The following SLC27A4 variants were observed in gnomAD, a reference collection of about 807,000 sequenced individuals.
SLC27A4 encodes the protein long-chain fatty acid transport protein 4.
A neutral mutation model predicts 64.4 loss-of-function variants in SLC27A4; 33 were observed. That is an observed-to-expected ratio of 0.51 (90% confidence interval 0.39 to 0.68). The LOEUF is 0.68. Among genes scored for constraint, SLC27A4 ranks in the 30% least tolerant of loss-of-function variants. The pLI, the probability that SLC27A4 is intolerant of heterozygous loss-of-function variation, is 0.00. For synonymous variants in SLC27A4, 377 were observed against 370.0 expected, an observed-to-expected ratio of 1.02 and a Z score of -0.22; for missense variants, 824 against 883.5, an observed-to-expected ratio of 0.93 and a Z score of 0.85.
chr9:128,343,131 C>T lies in SLC27A4; in HGVS notation c.-2C>T. ...CTAACTGCCCTGTGTCCGCAGGCCA[C>T]AATGCTGCTTGGAGCCTCTCTGGTG... On this transcript the variant is annotated 5_prime_UTR_variant, in exon 2 of 13. Transcript: ENST00000300456. 6.8e-6 allele frequency: 11 copies of T among 1,613,518 alleles called. No individual in the cohort carries two copies. The highest frequency in any genetic ancestry group is 2.2e-5 in the East Asian group (1 of 44,890).
chr9:128,355,082 A>T lies in SLC27A4; in HGVS notation c.1354A>T (p.Ile452Phe), dbSNP rs1218324957. 5.6e-6 allele frequency: 9 copies of T among 1,612,108 alleles called. No homozygotes were observed. Among genetic ancestry groups the T allele is most frequent in the Non-Finnish European group, 7.6e-6 (9 of 1,179,278 alleles). ...GEPGQLVGRI[I>F]QKDPLRRFDG... Reference sequence around the variant, plus strand: ...GCCGGGCCAGCTGGTGGGCCGCATCATCCAGAAAGACCCCCTGCGCCGCTT... The same window carrying T: ...GCCGGGCCAGCTGGTGGGCCGCATCTTCCAGAAAGACCCCCTGCGCCGCTT... The change falls in exon 10 of 13, where the codon ATC (isoleucine) becomes TTC (phenylalanine). Residue 452 changes from isoleucine to phenylalanine, a missense_variant. Ile to Phe is a conservative substitution (Grantham distance 21). Transcript: ENST00000300456.
Position 128,355,049 on chromosome 9 carries a change from C to G in SLC27A4, c.1325-4C>G. 2 of 1,609,908 alleles carry G rather than the reference C, an allele frequency of 1.2e-6. No individual in the cohort carries two copies. Among genetic ancestry groups the G allele is most frequent in the East Asian group, 2.2e-5 (1 of 44,600 alleles). ...CAGATCTGACCCTGCCTTCCCCACC[C>G]CAGGTGAGCCGGGCCAGCTGGTGGG... On this transcript the variant is annotated splice_region_variant and splice_polypyrimidine_tract_variant and intron_variant, in intron 9 of 12. Transcript: ENST00000300456.
rs1832801232 is a variant in SLC27A4 at position 128,355,332 on chromosome 9, C to G, written c.1463-66C>G. 2.9e-5 allele frequency: 47 copies of G among 1,607,654 alleles called. No individual in the cohort carries two copies. In the South Asian group the frequency reaches 5.1e-4, roughly 17 times the overall value. ...AAATCCTTGGGCTCCAGCAAAGCCT[C>G]CCTGGCTTGAGCCCTGGTCTCAGAG... On this transcript the variant is annotated intron_variant, in intron 10 of 12. Transcript: ENST00000300456.
chr9:128,344,613 C>T (rs1832625857), intron 2 of SLC27A4, among the ~76,000 whole-genome samples: 1 of 152,076 alleles, frequency 6.6e-6, no homozygotes, highest in Non-Finnish European at 1.5e-5. Flanking sequence ...GGCACAGGAC[C>T]CAGGGGATAG....
In SLC27A4 at chr9:128,353,282, A is replaced by T. The variant is rs1832765087; in HGVS notation, c.1197+48A>T. On this transcript the variant is annotated intron_variant, in intron 8 of 12. Coordinates refer to ENST00000300456, the MANE Select transcript of SLC27A4 (RefSeq NM_005094.4). The surrounding 1 kb of genome is among the most constrained non-coding windows in gnomAD (Gnocchi z 4.9). ...CGAGGCTGCTGCAGGGATGGCCCAC[A>T]GAAGGCACTGGATGCAGAGGGGAGG... The T allele has an allele frequency of 6.2e-7, 1 of 1,609,002 alleles. No homozygotes were observed. The highest frequency in any genetic ancestry group is 2.2e-5 in the East Asian group (1 of 44,858).
chr9:128,342,941 C>T (rs573916644), intron 1 of SLC27A4, among the ~76,000 whole-genome samples, 186 bp from the exon 2 acceptor site: 2 of 152,226 alleles, frequency 1.3e-5, no homozygotes, highest in Admixed American at 1.3e-4. Flanking sequence ...AAGTGCCAAG[C>T]CCCTAGCCTG....
intron 1 of SLC27A4, chr9:128,342,421 T>C: frequency 6.2e-7 from 1 of 1,601,166 alleles, no homozygotes; most frequent in East Asian, 2.3e-5. Flanking sequence ...GCCTTCTTAT[T>C]TTACTTCTTT....
At chr9:128,350,821 G>A (rs920715391) in intron 6 of SLC27A4, among the ~76,000 whole-genome samples, 5 of 152,230 alleles carry the variant, frequency 3.3e-5, no homozygotes, top group Non-Finnish European at 7.3e-5. Context: ...GCTGGGTGTG[G>A]TGGCTCACAC....
chr9:128,343,325 T>C, intron 2 of SLC27A4, 32 bp downstream of exon 2: 1 of 1,613,450 alleles, frequency 6.2e-7, no homozygotes, highest in Non-Finnish European at 8.5e-7. Context: ...TCCTGGGGTC[T>C]GCCACACTAC....
rs771351557 is a variant in SLC27A4 at position 128,343,195 on chromosome 9, C to T, written c.63C>T (p.Pro21=). Residue 21 remains proline (P), a synonymous_variant, in exon 2 of 13, where the codon CCC becomes CCT. Transcript: ENST00000300456. ...TCTCCAAGCTGGTGCTGAAACTGCC[C>T]TGGACCCAGGTGGGATTCTCCCTGT... ...LLFSKLVLKL[P]WTQVGFSLLF... 9 of 1,614,192 alleles carry T rather than the reference C, an allele frequency of 5.6e-6. No individual in the cohort carries two copies. The highest frequency in any genetic ancestry group is 1.7e-4 in the Middle Eastern group (1 of 6,056).
Position 128,340,737 on chromosome 9 carries a change from C to T in SLC27A4, c.-108C>T. 4.7e-6 allele frequency: 3 copies of T among 644,902 alleles called. No homozygotes were observed. The highest frequency in any genetic ancestry group is 2.3e-5 in the Admixed American group (1 of 43,824). The allele number at this position is 644,902 out of a possible 1,614,324, so 39.9% of individuals were successfully genotyped here. A position where few individuals can be genotyped will look rare whatever the true frequency, so the allele number is the denominator to read the frequency against. ...GAGCCGGCTAAACCCTGCTGAGACC[C>T]GGCTCCGTGCGTCCAGGGGCGGCTA... On this transcript the variant is annotated 5_prime_UTR_variant, in exon 1 of 13. Coordinates refer to ENST00000300456, the MANE Select transcript of SLC27A4 (RefSeq NM_005094.4).
Position 128,360,494 on chromosome 9 carries a change from C to A in SLC27A4, c.*3C>A. The A allele has an allele frequency of 6.2e-7, 1 of 1,613,446 alleles. No homozygotes were observed. The highest frequency in any genetic ancestry group is 1.1e-5 in the South Asian group (1 of 91,058). ...AGGCAGGCGAGGAGAAGCTGTGATTCCCCCCATCCCTCTGAGGGCCGGCGG... is the reference window on the plus strand; with the variant it reads ...AGGCAGGCGAGGAGAAGCTGTGATTACCCCCATCCCTCTGAGGGCCGGCGG... On this transcript the variant is annotated 3_prime_UTR_variant, in exon 13 of 13. Coordinates refer to ENST00000300456, the MANE Select transcript of SLC27A4 (RefSeq NM_005094.4).
Position 128,343,262 on chromosome 9 carries a change from GT to G in SLC27A4, c.131del (p.Val44AlafsTer17). 6.2e-7 allele frequency: 1 copy of G among 1,614,102 alleles called. No individual in the cohort carries two copies. The highest frequency in any genetic ancestry group is 8.5e-7 in the Non-Finnish European group (1 of 1,180,016). On this transcript the variant is annotated frameshift_variant, in exon 2 of 13. Coordinates refer to ENST00000300456, the MANE Select transcript of SLC27A4 (RefSeq NM_005094.4). LOFTEE classifies it high-confidence loss of function. ...ATCTGGCGGCTGGCGCTTCATCCGG[GT>G]CTTCATCAAGACCATCAGGCGCGAT... ...LGSGGWRFIRVFIKTIRRDIF... is the reference protein window; with the variant it reads ...LGSGGWRFIRXFIKTIRRDIF...
intron 12 of SLC27A4, among the ~76,000 whole-genome samples, chr9:128,358,632 A>T (rs1461440888): frequency 1.3e-5 from 2 of 152,088 alleles, no homozygotes; most frequent in African/African-American, 4.8e-5. Context: ...TTTTTATTAG[A>T]CATGGGGTTT....
intron 12 of SLC27A4, 126 bp downstream of exon 12, chr9:128,355,922 C>T: frequency 7.8e-7 from 1 of 1,274,588 alleles, no homozygotes; most frequent in South Asian, 1.2e-5. Context: ...AAGTGACCTG[C>T]CTGTGTAGAG....
chr9:128,360,838 C>G lies in SLC27A4; in HGVS notation c.*347C>G. 1 of 342,754 alleles carries G rather than the reference C, an allele frequency of 2.9e-6. No homozygotes were observed. 21.2% of individuals were successfully genotyped at this position (342,754 alleles called of 1,614,324 possible). A position where few individuals can be genotyped will look rare whatever the true frequency, so the allele number is the denominator to read the frequency against. On this transcript the variant is annotated 3_prime_UTR_variant, in exon 13 of 13. Transcript: ENST00000300456. ...GAGAGCAGGGAGCTTATAAATGGAA[C>G]CAGAGCAGAAGTCCCCAGACTCAGG...
chr9:128,355,047 C>T lies in SLC27A4; in HGVS notation c.1325-6C>T, dbSNP rs1832795961. The T allele has an allele frequency of 6.2e-7, 1 of 1,609,800 alleles. No homozygotes were observed. The highest frequency in any genetic ancestry group is 2.2e-5 in the East Asian group (1 of 44,660). On this transcript the variant is annotated splice_region_variant and splice_polypyrimidine_tract_variant and intron_variant, in intron 9 of 12. Transcript: ENST00000300456. ...GGCAGATCTGACCCTGCCTTCCCCA[C>T]CCCAGGTGAGCCGGGCCAGCTGGTG...
intron 10 of SLC27A4, 39 bp from the exon 11 acceptor site, chr9:128,355,359 T>A (rs761338923): frequency 8.1e-6 from 13 of 1,612,284 alleles, no homozygotes; most frequent in Non-Finnish European, 1.1e-5. Flanking sequence ...GTCTCAGAGC[T>A]GGCCAGGCCC....
Position 128,340,818 on chromosome 9 carries a change from G to T in SLC27A4, c.-27G>T. ...CCGGGCCGCATCTGGACGGGGCGCCGCGCGGCGGAGCCGACGCCGGGTGAG... is the reference window on the plus strand; with the variant it reads ...CCGGGCCGCATCTGGACGGGGCGCCTCGCGGCGGAGCCGACGCCGGGTGAG... On this transcript the variant is annotated 5_prime_UTR_variant, in exon 1 of 13. Transcript: ENST00000300456. 1.5e-6 allele frequency: 1 copy of T among 684,902 alleles called. No homozygotes were observed. Among genetic ancestry groups the T allele is most frequent in the African/African-American group, 1.8e-5 (1 of 54,772 alleles). 42.4% of individuals were successfully genotyped at this position (684,902 alleles called of 1,614,324 possible).
Sources: allele counts gnomAD v4.1 joint callset (sites outside exome capture counted in the v4.1 genomes callset), GRCh38; gene constraint gnomAD v4.1.1; non-coding constraint Gnocchi (gnomAD v3.1); transcripts MANE v1.5; gene names NCBI Gene and HGNC (gene_info 2026-07-23, HGNC 2026-07-21).